ZNF211: variants seen among roughly 807,000 people sequenced by gnomAD.
ZNF211 encodes the protein zinc finger protein C2H2-25.
Under a neutral mutation model 12.1 loss-of-function variants are expected in ZNF211, and 18 were observed. The ratio of observed to expected loss-of-function variants is 1.48; its 90% CI spans 1.03 to 2.20. The LOEUF (loss-of-function observed/expected upper bound fraction) is 2.20, where lower values mean the gene tolerates loss of function less well. ZNF211 is among the 30% of genes most tolerant of loss of function. ZNF211 has a pLI of 0.00. For synonymous variants in ZNF211, 249 were observed against 246.0 expected, an observed-to-expected ratio of 1.01 and a Z score of -0.11; for missense variants, 677 against 703.1, an observed-to-expected ratio of 0.96 and a Z score of 0.42.
At chr19:57,637,296 T>G (rs1434432106) in intron 3 of ZNF211, among the ~76,000 whole-genome samples, 1 of 150,716 alleles carries the variant, frequency 6.6e-6, no homozygotes, top group African/African-American at 2.4e-5. Flanking sequence ...AGCTGTAGGT[T>G]TTTTTTTTTG....
In ZNF211 at chr19:57,633,369, G is replaced by C; in HGVS notation, c.23G>C (p.Arg8Pro). The change falls in exon 1 of 4, where the codon CGC becomes CCC. Residue 8 changes from arginine (R) to proline (P), a missense_variant. Transcript: ENST00000240731. ...GCGATGCTCGGGTTCCCCCCGGGTCGCCCGCAGCTCCCGGTCCAGCTCCGC... is the reference window on the plus strand; with the variant it reads ...GCGATGCTCGGGTTCCCCCCGGGTCCCCCGCAGCTCCCGGTCCAGCTCCGC... MLGFPPG[R>P]PQLPVQLRPQ... The C allele has an allele frequency of 6.3e-7, 1 of 1,599,044 alleles. No homozygotes were observed. Among genetic ancestry groups the C allele is most frequent in the Non-Finnish European group, 8.5e-7 (1 of 1,175,962 alleles).
chr19:57,635,560 T>C (rs909613997), intron 3 of ZNF211, among the ~76,000 whole-genome samples: 5 of 152,244 alleles, frequency 3.3e-5, no homozygotes, highest in Admixed American at 3.3e-4. Flanking sequence ...CATGTTGTAA[T>C]ATATATCAGA....
In ZNF211 at chr19:57,641,062, A is replaced by G. The variant is rs1404545835; in HGVS notation, c.615A>G (p.Lys205=). 1.2e-6 allele frequency: 2 copies of G among 1,614,090 alleles called. No individual in the cohort carries two copies. Among genetic ancestry groups the G allele is most frequent in the African/African-American group, 2.7e-5 (2 of 74,940 alleles). The part of the protein sequence containing the change: ...EKPFTCREIR[K]DFLANMRFLH... ...CCTTTACCTGCAGGGAGATCAGGAA[A>G]GACTTCCTGGCCAACATGAGGTTTC... The change falls in exon 4 of 4, where the codon AAA becomes AAG. Residue 205 remains lysine, a synonymous_variant. Coordinates refer to ENST00000240731, the MANE Select transcript of ZNF211 (RefSeq NM_006385.5).
chr19:57,640,648 A>T, intron 3 of ZNF211, 56 bp from the exon 4 acceptor site: 1 of 1,575,876 alleles, frequency 6.3e-7, no homozygotes, highest in Non-Finnish European at 8.6e-7. Context: ...TTGCAATTGC[A>T]TTGTCTCCTC....
At position 57,641,467 on chromosome 19, in the gene ZNF211, C is replaced by A. The variant is rs752291333; in HGVS notation, c.1020C>A (p.Ser340Arg). The A allele has an allele frequency of 1.2e-6, 2 of 1,610,946 alleles. No homozygotes were observed. The highest frequency in any genetic ancestry group is 2.2e-5 in the South Asian group (2 of 90,718). ...ECGKSFSQIYSLNSHRKVHTG... is the reference protein window; with the variant it reads ...ECGKSFSQIYRLNSHRKVHTG... ...GGAAATCGTTTAGTCAGATATACAG[C>A]CTCAATAGCCATAGGAAAGTTCACA... Residue 340 changes from serine to arginine, a missense_variant, in exon 4 of 4, where the codon AGC (serine) becomes AGA (arginine). Transcript: ENST00000240731.
In ZNF211 at chr19:57,634,007, C is replaced by T. The variant is rs372393186; in HGVS notation, c.91-16C>T. ...TGCCATGATCACATTCCTCTGAGGC[C>T]TGCGTCTTTCCACAGGTTCCCATAG... On this transcript the variant is annotated splice_polypyrimidine_tract_variant and intron_variant, in intron 1 of 3. Coordinates refer to ENST00000240731, the MANE Select transcript of ZNF211 (RefSeq NM_006385.5). 1.9e-5 allele frequency: 30 copies of T among 1,592,524 alleles called. No homozygotes were observed. The African/African-American group carries it at 3.0e-4, about 16-fold the overall frequency.
At chr19:57,640,189 A>G (rs932692143) in intron 3 of ZNF211, 170 of 1,171,714 alleles carry the variant, frequency 1.5e-4, no homozygotes, top group Non-Finnish European at 1.9e-4. Context: ...TGTTATTTCT[A>G]CTACTTGTCA....
chr19:57,633,325 C>T lies in ZNF211; in HGVS notation c.-22C>T. 6.4e-7 allele frequency: 1 copy of T among 1,552,412 alleles called. No individual in the cohort carries two copies. The highest frequency in any genetic ancestry group is 8.7e-7 in the Non-Finnish European group (1 of 1,152,618). ...TGAGGGTCGGGGGCAGAGCCGCCCGCGAGGCCGGCCTGGGGATAGCGATGC... is the reference window on the plus strand; with the variant it reads ...TGAGGGTCGGGGGCAGAGCCGCCCGTGAGGCCGGCCTGGGGATAGCGATGC... On this transcript the variant is annotated 5_prime_UTR_variant, in exon 1 of 4. Coordinates refer to ENST00000240731, the MANE Select transcript of ZNF211 (RefSeq NM_006385.5).
chr19:57,634,072 G>A lies in ZNF211; in HGVS notation c.129+11G>A. On this transcript the variant is annotated intron_variant, in intron 2 of 3. Transcript: ENST00000240731. ...TTCAAACTTACACAGGTAAGTGGAG[G>A]TATCTCAGCCCCTCACTGGTCTGGA... 6.4e-7 allele frequency: 1 copy of A among 1,563,494 alleles called. No homozygotes were observed. The highest frequency in any genetic ancestry group is 8.6e-7 in the Non-Finnish European group (1 of 1,159,162).
At chr19:57,638,808 C>T (rs1056066920) in intron 3 of ZNF211, among the ~76,000 whole-genome samples, 8 of 152,292 alleles carry the variant, frequency 5.3e-5, no homozygotes, top group Non-Finnish European at 1.0e-4. Context: ...ATTGATGTCT[C>T]TAACTGTTAT....
intron 3 of ZNF211, among the ~76,000 whole-genome samples, chr19:57,638,585 G>T (rs1264697621): frequency 1.3e-5 from 2 of 152,134 alleles, no homozygotes; most frequent in Admixed American, 1.3e-4. Flanking sequence ...CACTGTGGTT[G>T]GAGAAGATAC....
chr19:57,633,358 C>G lies in ZNF211; in HGVS notation c.12C>G (p.Phe4Leu). 1 of 1,592,528 alleles carries G rather than the reference C, an allele frequency of 6.3e-7. No homozygotes were observed. The highest frequency in any genetic ancestry group is 8.5e-7 in the Non-Finnish European group (1 of 1,172,694). Residue 4 changes from phenylalanine (F) to leucine (L), a missense_variant, in exon 1 of 4, where the codon TTC becomes TTG. Physicochemically the swap from Phe to Leu is conservative, Grantham distance 22 (BLOSUM62 0). Coordinates refer to ENST00000240731, the MANE Select transcript of ZNF211 (RefSeq NM_006385.5). ...GCCTGGGGATAGCGATGCTCGGGTT[C>G]CCCCCGGGTCGCCCGCAGCTCCCGG... is the stretch of plus-strand genomic sequence containing the variant. MLGFPPGRPQLPVQ... is the reference protein window; with the variant it reads MLGLPPGRPQLPVQ...
chr19:57,633,705 A>G (rs954050149), intron 1 of ZNF211: 2 of 1,533,314 alleles, frequency 1.3e-6, no homozygotes, highest in African/African-American at 2.7e-5. Flanking sequence ...ATCTACCTTT[A>G]TTCTTAGGGC....
intron 3 of ZNF211, chr19:57,639,911 G>A (rs1982661452): frequency 6.5e-7 from 1 of 1,534,432 alleles, no homozygotes; most frequent in African/African-American, 1.4e-5. Flanking sequence ...CTTTCCCTTA[G>A]GACTTATATC....
At chr19:57,638,842 T>C (rs1476232067) in intron 3 of ZNF211, among the ~76,000 whole-genome samples, 1 of 152,220 alleles carries the variant, frequency 6.6e-6, no homozygotes, top group Non-Finnish European at 1.5e-5. Context: ...ATTTCTCCCT[T>C]CAGTTCTGTC....
intron 3 of ZNF211, among the ~76,000 whole-genome samples, chr19:57,637,220 G>A (rs1982254477): frequency 9.8e-6 from 1 of 101,782 alleles, no homozygotes; most frequent in Non-Finnish European, 2.0e-5. Context: ...GCTAAAAGTA[G>A]CATCCTTATC....
At chr19:57,635,473 A>T (rs1982012633) in intron 3 of ZNF211, among the ~76,000 whole-genome samples, 1 of 152,202 alleles carries the variant, frequency 6.6e-6, no homozygotes, top group South Asian at 2.1e-4. Flanking sequence ...TAAGTACCTC[A>T]TATGAGTGGG....
In ZNF211 at chr19:57,640,912, A is replaced by G. The variant is rs768426953; in HGVS notation, c.465A>G (p.Lys155=). 13 of 1,614,128 alleles carry G rather than the reference A, an allele frequency of 8.1e-6. No homozygotes were observed. In the South Asian group the frequency reaches 1.2e-4, roughly 15 times the overall value. Reference sequence around the variant, plus strand: ...GGCAGAAACTACACACATGTGGAAAACAATTCTACATCAGTGCAAATCTTC... The same window carrying G: ...GGCAGAAACTACACACATGTGGAAAGCAATTCTACATCAGTGCAAATCTTC... The part of the protein sequence containing the change: ...NCGQKLHTCG[K]QFYISANLQQ... Residue 155 remains lysine, a synonymous_variant, in exon 4 of 4, where the codon AAA becomes AAG. Coordinates refer to ENST00000240731, the MANE Select transcript of ZNF211 (RefSeq NM_006385.5).
chr19:57,641,048 A>C lies in ZNF211; in HGVS notation c.601A>C (p.Arg201=). 6.2e-7 allele frequency: 1 copy of C among 1,614,194 alleles called. No homozygotes were observed. Among genetic ancestry groups the C allele is most frequent in the Non-Finnish European group, 8.5e-7 (1 of 1,180,028 alleles). Residue 201 remains arginine, a synonymous_variant, in exon 4 of 4, where the codon AGG becomes CGG. Transcript: ENST00000240731. ...VHVSEKPFTC[R]EIRKDFLANM... ...TGTGTCGGAGAAACCCTTTACCTGC[A>C]GGGAGATCAGGAAAGACTTCCTGGC... is the stretch of plus-strand genomic sequence containing the variant.
Sources: allele counts gnomAD v4.1 joint callset (sites outside exome capture counted in the v4.1 genomes callset), GRCh38; gene constraint gnomAD v4.1.1; transcripts MANE v1.5; gene names NCBI Gene and HGNC (gene_info 2026-07-23, HGNC 2026-07-21).